Variants in ALMS1 observed in about 807,000 individuals in gnomAD.
The protein encoded by ALMS1 is ALMS1 centrosome and basal body associated protein.
Under a neutral mutation model 352.2 loss-of-function variants are expected in ALMS1, and 271 were observed. The ratio of observed to expected loss-of-function variants is 0.77; its 90% CI spans 0.70 to 0.85. The LOEUF (loss-of-function observed/expected upper bound fraction) is 0.85, where lower values mean the gene tolerates loss of function less well. ALMS1 is among the 40% of genes least tolerant of loss of function. ALMS1 has a pLI of 0.00. For synonymous variants in ALMS1, 1,865 were observed against 1,761.2 expected, an observed-to-expected ratio of 1.06 and a Z score of -1.48; for missense variants, 5,445 against 4,870.7, an observed-to-expected ratio of 1.12 and a Z score of -3.51.
At chr2:73,545,461 G>A (rs1446216944) in intron 12 of ALMS1, among the ~76,000 whole-genome samples, 4 of 152,090 alleles carry the variant, frequency 2.6e-5, no homozygotes, top group African/African-American at 7.2e-5. Context: ...GACTATAGGC[G>A]TGAGCCACCG....
intron 10 of ALMS1, among the ~76,000 whole-genome samples, chr2:73,503,993 C>T (rs1461041272): frequency 6.6e-6 from 1 of 152,108 alleles, no homozygotes; most frequent in Non-Finnish European, 1.5e-5. Context: ...TGTATCTGTA[C>T]AGAATCTTCC....
chr2:73,396,200 C>T (rs530566649), intron 1 of ALMS1, among the ~76,000 whole-genome samples: 189 of 151,838 alleles, frequency 1.2e-3, no homozygotes, highest in Non-Finnish European at 2.3e-3. Flanking sequence ...AATTATTAAT[C>T]GATGTATTAC....
At chr2:73,598,507 C>T (rs1336842068) in intron 16 of ALMS1, among the ~76,000 whole-genome samples, 2 of 152,202 alleles carry the variant, frequency 1.3e-5, no homozygotes, top group African/African-American at 2.4e-5. Flanking sequence ...CCCCAAAATT[C>T]TGTTACAAGT....
intron 7 of ALMS1, among the ~76,000 whole-genome samples, chr2:73,435,994 T>A (rs1260656537): frequency 6.6e-6 from 1 of 152,132 alleles, no homozygotes; most frequent in Admixed American, 6.5e-5. Context: ...ACTAGCACTA[T>A]TTGTTTTGTT....
chr2:73,601,175 C>G lies in ALMS1; in HGVS notation c.11873-20C>G. 1 of 1,613,912 alleles carries G rather than the reference C, an allele frequency of 6.2e-7. No homozygotes were observed. The highest frequency in any genetic ancestry group is 8.5e-7 in the Non-Finnish European group (1 of 1,180,012). On this transcript the variant is annotated intron_variant, in intron 18 of 22. Coordinates refer to ENST00000613296, the MANE Select transcript of ALMS1 (RefSeq NM_001378454.1). ...AAAAAGTGAAAAATCTGTGTTCCTT[C>G]TAAAAACTGTTTCCTGTAGGAGTTT...
Position 73,448,779 on chromosome 2 carries a change from A to T in ALMS1, c.2252A>T (p.Asp751Val). 6.2e-7 allele frequency: 1 copy of T among 1,614,168 alleles called. No individual in the cohort carries two copies. Among genetic ancestry groups the T allele is most frequent in the Non-Finnish European group, 8.5e-7 (1 of 1,179,980 alleles). ...TKVSATPGPA[D>V]QKTEIPAVQS... Reference sequence around the variant, plus strand: ...GTTTCAGCCACTCCTGGACCAGCTGACCAGAAGACTGAGATACCAGCAGTA... The same window carrying T: ...GTTTCAGCCACTCCTGGACCAGCTGTCCAGAAGACTGAGATACCAGCAGTA... The change falls in exon 8 of 23, where the codon GAC (aspartate) becomes GTC (valine). Residue 751 changes from aspartate (D) to valine (V), a missense_variant. Physicochemically the swap from Asp to Val is radical, Grantham distance 152 (BLOSUM62 -3). Coordinates refer to ENST00000613296, the MANE Select transcript of ALMS1 (RefSeq NM_001378454.1).
At position 73,603,527 on chromosome 2, in the gene ALMS1, G is replaced by A. The variant is rs561814623; in HGVS notation, c.12362+223G>A. The A allele has an allele frequency of 5.6e-5, 30 of 532,410 alleles. No individual in the cohort carries two copies. In the East Asian group the frequency reaches 9.8e-4, roughly 17 times the overall value. 33.0% of individuals were successfully genotyped at this position (532,410 alleles called of 1,614,324 possible). On this transcript the variant is annotated intron_variant, in intron 21 of 22. Coordinates refer to ENST00000613296, the MANE Select transcript of ALMS1 (RefSeq NM_001378454.1). ...TGAAAAACTTCTCACTAATTTGCAT[G>A]TCTTAGGCTCCTCTTTATTAGAAAC...
intron 13 of ALMS1, among the ~76,000 whole-genome samples, chr2:73,554,257 A>G (rs1674497360): frequency 6.6e-6 from 1 of 152,118 alleles, no homozygotes; most frequent in Non-Finnish European, 1.5e-5. Context: ...AAAGGTAGAT[A>G]CAAGAGTTTA....
intron 9 of ALMS1, among the ~76,000 whole-genome samples, chr2:73,476,797 A>C (rs531803810): frequency 1.3e-5 from 2 of 152,008 alleles, no homozygotes; most frequent in South Asian, 2.1e-4. Context: ...AGTGTCCTTT[A>C]TATGTTCTGG....
In ALMS1 at chr2:73,453,639, G is replaced by T. The variant is rs1319060380; in HGVS notation, c.7112G>T (p.Ser2371Ile). 1 of 1,614,032 alleles carries T rather than the reference G, an allele frequency of 6.2e-7. No individual in the cohort carries two copies. Among genetic ancestry groups the T allele is most frequent in the Non-Finnish European group, 8.5e-7 (1 of 1,179,998 alleles). Residue 2371 changes from serine to isoleucine, a missense_variant, in exon 8 of 23, where the codon AGT becomes ATT. Ser to Ile is a moderately radical substitution (Grantham distance 142). Coordinates refer to ENST00000613296, the MANE Select transcript of ALMS1 (RefSeq NM_001378454.1). ...CTACAGGAAGCAGAGAGCAAAGTCA[G>T]TATGGCATTAGAAGAAACTCTTAGG... ...SPLQEAESKV[S>I]MALEETLRQY... is the part of the protein sequence containing the mutation.
chr2:73,410,055 C>G (rs1451777460), intron 2 of ALMS1, among the ~76,000 whole-genome samples: 2 of 152,162 alleles, frequency 1.3e-5, no homozygotes, highest in African/African-American at 2.4e-5. Context: ...GGGTAACCTG[C>G]TTTACTTAGT....
chr2:73,485,727 C>T (rs964070300), intron 9 of ALMS1, among the ~76,000 whole-genome samples: 2 of 152,144 alleles, frequency 1.3e-5, no homozygotes, highest in African/African-American at 4.8e-5. Context: ...ATCAGCGAGA[C>T]TCCGTGGGCC....
chr2:73,416,114 G>A (rs1671177480), intron 2 of ALMS1, among the ~76,000 whole-genome samples: 1 of 152,070 alleles, frequency 6.6e-6, no homozygotes, highest in African/African-American at 2.4e-5. Context: ...GAGATGACTC[G>A]GGACCAGTGA....
chr2:73,482,648 G>GA (rs1672736680), intron 9 of ALMS1, among the ~76,000 whole-genome samples: 1 of 152,206 alleles, frequency 6.6e-6, no homozygotes, highest in Non-Finnish European at 1.5e-5. Flanking sequence ...GTTTCAGAAG[G>GA]AATGGTACCA....
chr2:73,492,877 A>G (rs1673021165), intron 10 of ALMS1, among the ~76,000 whole-genome samples: 1 of 152,100 alleles, frequency 6.6e-6, no homozygotes. Context: ...AGCTGGGACC[A>G]CAGGCGTGCA....
At chr2:73,534,650 A>G (rs1347398763) in intron 11 of ALMS1, among the ~76,000 whole-genome samples, 174 bp from the exon 12 acceptor site, 1 of 152,112 alleles carries the variant, frequency 6.6e-6, no homozygotes, top group Non-Finnish European at 1.5e-5. Context: ...TTTACTGTAT[A>G]TTTTCCTCCT....
intron 4 of ALMS1, among the ~76,000 whole-genome samples, chr2:73,423,673 A>G (rs1176863618): frequency 6.6e-6 from 1 of 152,202 alleles, no homozygotes; most frequent in East Asian, 1.9e-4. Context: ...CTTTTATGAA[A>G]AGTGATCTAT....
intron 10 of ALMS1, among the ~76,000 whole-genome samples, chr2:73,511,825 C>T (rs1470166814): frequency 6.6e-6 from 1 of 152,066 alleles, no homozygotes; most frequent in Non-Finnish European, 1.5e-5. Context: ...TCCTAGAATG[C>T]ACAAGACAGT....
chr2:73,584,676 G>T (rs1404324544), intron 16 of ALMS1, among the ~76,000 whole-genome samples: 2 of 152,070 alleles, frequency 1.3e-5, no homozygotes, highest in African/African-American at 4.8e-5. Context: ...GGTGGTTTTT[G>T]GTTACATGGA....
Sources: allele counts gnomAD v4.1 joint callset (sites outside exome capture counted in the v4.1 genomes callset), GRCh38; gene constraint gnomAD v4.1.1; transcripts MANE v1.5; gene names NCBI Gene and HGNC (gene_info 2026-07-23, HGNC 2026-07-21).